Variants in PLB1 observed in about 807,000 individuals in gnomAD.
PLB1 encodes the protein phospholipase B1, also known as phospholipase B1, membrane-associated.
In PLB1, 242 loss-of-function variants were observed where a neutral mutation model predicts 227.4. That is an observed-to-expected ratio of 1.06 (90% CI 0.96 to 1.18). PLB1 has a LOEUF of 1.18. PLB1 is among the 50% of genes most tolerant of loss of function. PLB1 has a pLI of 0.00. For synonymous variants in PLB1, 757 were observed against 682.2 expected (o/e 1.11, Z -1.71); for missense variants, 1,858 against 1,816.3 (o/e 1.02, Z -0.42).
At chr2:28,594,388 G>A (rs1682550172) in intron 33 of PLB1, 1 of 193,500 alleles carries the variant, frequency 5.2e-6, no homozygotes, top group Non-Finnish European at 1.1e-5. Flanking sequence ...TCCTAATAAA[G>A]TTCTCATTCC....
chr2:28,541,187 A>AAATT (rs1203252691), intron 12 of PLB1, among the ~76,000 whole-genome samples: 2 of 151,520 alleles, frequency 1.3e-5, no homozygotes, highest in Admixed American at 6.6e-5. Flanking sequence ...TAAATAAATT[A>AAATT]AATAAATAAA....
chr2:28,596,314 G>GTT (rs1340861167), intron 33 of PLB1, among the ~76,000 whole-genome samples: 7 of 152,168 alleles, frequency 4.6e-5, no homozygotes, highest in African/African-American at 1.4e-4. Context: ...CAAAATGAGA[G>GTT]TTTGAATATT....
chr2:28,624,910 TA>T, intron 49 of PLB1, 146 bp from the exon 50 acceptor site: 1 of 769,412 alleles, frequency 1.3e-6, no homozygotes, highest in Non-Finnish European at 2.2e-6. Flanking sequence ...TGATTGTTAC[TA>T]AGCTGAGATT....
At chr2:28,518,572 T>A (rs1231160373) in intron 3 of PLB1, 40 bp downstream of exon 3, 8 of 1,524,060 alleles carry the variant, frequency 5.2e-6, no homozygotes, top group Non-Finnish European at 7.3e-6. Flanking sequence ...AGCCTGGCGT[T>A]TTCTCTCTGA....
intron 48 of PLB1, 111 bp from the exon 49 acceptor site, chr2:28,620,768 C>T: frequency 1.3e-6 from 2 of 1,516,334 alleles, no homozygotes; most frequent in Non-Finnish European, 1.8e-6. Flanking sequence ...CTGAAAAGCC[C>T]CAGAACTCCT....
At position 28,579,714 on chromosome 2, in the gene PLB1, C is replaced by A; in HGVS notation, c.1566+7C>A. On this transcript the variant is annotated splice_region_variant and intron_variant, in intron 23 of 57. Transcript: ENST00000327757. ...TGATTTCTGCAATGATCTGGTAGGTCTCCAGGCACTTTACTCAAGACTCAC... is the reference window on the plus strand; with the variant it reads ...TGATTTCTGCAATGATCTGGTAGGTATCCAGGCACTTTACTCAAGACTCAC... The A allele has an allele frequency of 1.2e-6, 2 of 1,608,848 alleles. No homozygotes were observed. The highest frequency in any genetic ancestry group is 1.7e-6 in the Non-Finnish European group (2 of 1,175,440).
chr2:28,611,924 A>AG (rs199847460), intron 43 of PLB1, among the ~76,000 whole-genome samples: 10,709 of 152,104 alleles, frequency 0.07, 529 homozygotes, highest in Non-Finnish European at 0.11. Context: ...GCGGATCACC[A>AG]GGTCAGGAGA....
At chr2:28,601,505 T>G (rs1013464253) in intron 37 of PLB1, among the ~76,000 whole-genome samples, 173 bp downstream of exon 37, 1 of 138,898 alleles carries the variant, frequency 7.2e-6, no homozygotes, top group African/African-American at 3.0e-5. Context: ...ACACACTTCT[T>G]ACCCCACCAC....
At chr2:28,632,198 A>T in intron 55 of PLB1, 58 bp downstream of exon 55, 6 of 1,306,550 alleles carry the variant, frequency 4.6e-6, no homozygotes, top group African/African-American at 1.5e-5. Flanking sequence ...CAGACGATGG[A>T]TGTATTTCCT....
intron 1 of PLB1, among the ~76,000 whole-genome samples, chr2:28,506,738 C>T (rs538673998): frequency 6.6e-6 from 1 of 152,218 alleles, no homozygotes; most frequent in South Asian, 2.1e-4. Context: ...ATGAGTCCTC[C>T]AGCTCCAGAC....
chr2:28,580,491 G>T (rs1050139072), intron 23 of PLB1, among the ~76,000 whole-genome samples: 9 of 152,236 alleles, frequency 5.9e-5, no homozygotes, highest in Non-Finnish European at 1.0e-4. Context: ...GAGGCAGGCA[G>T]ATTACCTGAG....
chr2:28,637,440 G>T (rs1689503682), intron 56 of PLB1, among the ~76,000 whole-genome samples: 1 of 152,108 alleles, frequency 6.6e-6, no homozygotes, highest in South Asian at 2.1e-4. Context: ...ATTTTAATGT[G>T]CAGGGTTTAT....
intron 49 of PLB1, among the ~76,000 whole-genome samples, chr2:28,623,968 G>A (rs1038269448): frequency 1.3e-5 from 2 of 152,130 alleles, no homozygotes; most frequent in Non-Finnish European, 2.9e-5. Flanking sequence ...ATGGTGGCAT[G>A]GACCTGTAGT....
At position 28,620,987 on chromosome 2, in the gene PLB1, A is replaced by G. The variant is rs1302070983; in HGVS notation, c.3527+9A>G. On this transcript the variant is annotated intron_variant, in intron 49 of 57. Transcript: ENST00000327757. ...GAAGGGGCCAGAGCTAGGTGAGTAG[A>G]TGCCGTACAGGAGGGCGAGTGGAAG... is the stretch of plus-strand genomic sequence containing the variant. 3.1e-6 allele frequency: 5 copies of G among 1,603,828 alleles called. No individual in the cohort carries two copies. Among genetic ancestry groups the G allele is most frequent in the Non-Finnish European group, 4.3e-6 (5 of 1,173,110 alleles).
intron 49 of PLB1, among the ~76,000 whole-genome samples, chr2:28,624,572 C>G (rs899495025): frequency 1.3e-5 from 2 of 151,454 alleles, no homozygotes; most frequent in Non-Finnish European, 2.9e-5. Context: ...GTGCGGAAAT[C>G]TAAGTAACCA....
At chr2:28,571,370 T>TA (rs1425527786) in intron 20 of PLB1, among the ~76,000 whole-genome samples, 1 of 152,176 alleles carries the variant, frequency 6.6e-6, no homozygotes, top group Non-Finnish European at 1.5e-5. Flanking sequence ...TTCTTCATAA[T>TA]ACTCCCCACA....
In PLB1 at chr2:28,599,477, C is replaced by T. The variant is rs1002197246; in HGVS notation, c.2474+717C>T. Among the ~76,000 whole-genome samples, 7 of 152,222 alleles carry T rather than the reference C, an allele frequency of 4.6e-5. No homozygotes were observed. The East Asian group carries it at 1.3e-3, about 29-fold the overall frequency. On this transcript the variant is annotated intron_variant, in intron 35 of 57. Transcript: ENST00000327757. ...CTGGAAAGACTCTTGGTAATAGAAACAGCTGGGGACAGATGGTCCCACCAC... is the reference window on the plus strand; with the variant it reads ...CTGGAAAGACTCTTGGTAATAGAAATAGCTGGGGACAGATGGTCCCACCAC...
chr2:28,600,734 C>T, intron 35 of PLB1, 75 bp from the exon 36 acceptor site: 2 of 1,433,614 alleles, frequency 1.4e-6, no homozygotes, highest in South Asian at 2.3e-5. Flanking sequence ...GTAGAAGCCT[C>T]TGGTTCAGGC....
rs373053880 is a variant in PLB1, at chr2:28,637,298, T to TAAA, written c.4099-3629_4099-3628insAAA. Among the ~76,000 whole-genome samples, 116 of 121,368 alleles carry TAAA rather than the reference T, an allele frequency of 9.6e-4. 4 individuals are homozygous for TAAA. Among genetic ancestry groups the TAAA allele is most frequent in the East Asian group, 1.7e-3 (8 of 4,830 alleles). 79.6% of individuals were successfully genotyped at this position (121,368 alleles called of 152,430 possible). A position where few individuals can be genotyped will look rare whatever the true frequency, so the allele number is the denominator to read the frequency against. Reference sequence around the variant, plus strand: ...ACAAGAGTAAAACTCTGTCTCAAATTTAAAAAAAAAAAAAAAAAAAGTTTA... The same window carrying TAAA: ...ACAAGAGTAAAACTCTGTCTCAAATTAAATAAAAAAAAAAAAAAAAAAAGTTTA... On this transcript the variant is annotated intron_variant, in intron 56 of 57. Coordinates refer to ENST00000327757, the MANE Select transcript of PLB1 (RefSeq NM_153021.5).
Sources: allele counts gnomAD v4.1 joint callset (sites outside exome capture counted in the v4.1 genomes callset), GRCh38; gene constraint gnomAD v4.1.1; transcripts MANE v1.5; gene names NCBI Gene and HGNC (gene_info 2026-07-23, HGNC 2026-07-21).